Variants in MX2 observed in about 807,000 individuals in gnomAD.
MX2 encodes interferon-induced GTP-binding protein Mx2.
Under a neutral mutation model 74.0 loss-of-function variants are expected in MX2, and 51 were observed. That is an observed-to-expected ratio of 0.69 (90% CI 0.55 to 0.87). The LOEUF (loss-of-function observed/expected upper bound fraction) is 0.87. Among genes scored for constraint, MX2 ranks in the 40% least tolerant of loss-of-function variants. The pLI is 0.00. For synonymous variants in MX2, 369 were observed against 339.3 expected, an observed-to-expected ratio of 1.09 and a Z score of -0.96; for missense variants, 832 against 908.7, an observed-to-expected ratio of 0.92 and a Z score of 1.09.
chr21:41,386,813 C>T (rs1338312180), intron 5 of MX2, among the ~76,000 whole-genome samples: 2 of 152,182 alleles, frequency 1.3e-5, no homozygotes, highest in East Asian at 3.9e-4. Flanking sequence ...TTGCTTGGCT[C>T]AGGAGCCTGA....
In MX2 at chr21:41,389,047, C is replaced by A. The variant is rs536465598; in HGVS notation, c.733-1518C>A. 2.6e-5 allele frequency among the ~76,000 whole-genome samples: 4 copies of A among 152,264 alleles called. No individual in the cohort carries two copies. In the South Asian group the frequency reaches 8.3e-4, roughly 32 times the overall value. On this transcript the variant is annotated intron_variant, in intron 5 of 13. Transcript: ENST00000330714. ...CTGGGCTGTGTGGTCTGTTTGCCTG[C>A]AGACATCAGCAGGACAGCCCCATGG...
intron 6 of MX2, among the ~76,000 whole-genome samples, chr21:41,392,111 G>A (rs2089669385): frequency 6.6e-6 from 1 of 152,148 alleles, no homozygotes; most frequent in African/African-American, 2.4e-5. Flanking sequence ...AGTTTACTAA[G>A]GATAATGGCC....
At chr21:41,394,885 G>A (rs2089712839) in intron 6 of MX2, among the ~76,000 whole-genome samples, 1 of 151,580 alleles carries the variant, frequency 6.6e-6, no homozygotes, top group African/African-American at 2.4e-5. Context: ...AGGTTGAAGT[G>A]AGCCACTGCA....
At position 41,397,673 on chromosome 21, in the gene MX2, A is replaced by G; in HGVS notation, c.1131A>G (p.Glu377=). ...VPRLAERLTT[E]LIMHIQKSLP... ...GACTGGCAGAAAGACTTACCACTGA[A>G]CTCATCATGCATATCCAAGTGAGCC... The change falls in exon 8 of 14, where the codon GAA becomes GAG. Residue 377 remains glutamate (E), a synonymous_variant. Transcript: ENST00000330714. 6.2e-7 allele frequency: 1 copy of G among 1,614,002 alleles called. No homozygotes were observed. The highest frequency in any genetic ancestry group is 8.5e-7 in the Non-Finnish European group (1 of 1,179,928).
At chr21:41,367,223 C>G (rs1400278353) in intron 1 of MX2, 1 of 152,124 alleles carries the variant, frequency 6.6e-6, no homozygotes, top group East Asian at 1.9e-4. Context: ...TTTGTTGTGA[C>G]TGCATATTAA....
In MX2 at chr21:41,408,430, T is replaced by TTCGTGAAGGTCAGGGAAGA; in HGVS notation, c.*197_*198insTCGTGAAGGTCAGGGAAGA. ...CTCTCTCCACCACCCAGCTCTTCCC[T>TTCGTGAAGGTCAGGGAAGA]GACCTTCACGAAGGGATGGCTCTCC... is the stretch of plus-strand genomic sequence containing the variant. On this transcript the variant is annotated 3_prime_UTR_variant, in exon 14 of 14. Coordinates refer to ENST00000330714, the MANE Select transcript of MX2 (RefSeq NM_002463.2). 1.4e-6 allele frequency: 1 copy of TTCGTGAAGGTCAGGGAAGA among 695,948 alleles called. No homozygotes were observed. The highest frequency in any genetic ancestry group is 2.3e-6 in the Non-Finnish European group (1 of 430,838). 43.1% of individuals were successfully genotyped at this position (695,948 alleles called of 1,614,324 possible). A position where few individuals can be genotyped will look rare whatever the true frequency, so the allele number is the denominator to read the frequency against.
In MX2 at chr21:41,382,490, G is replaced by C; in HGVS notation, c.658G>C (p.Asp220His). 6.2e-7 allele frequency: 1 copy of C among 1,614,220 alleles called. No individual in the cohort carries two copies. Among genetic ancestry groups the C allele is most frequent in the Non-Finnish European group, 8.5e-7 (1 of 1,180,054 alleles). Reference protein sequence around the residue: ...SLEITSPEVPDLTIIDLPGIT... With the variant: ...SLEITSPEVPHLTIIDLPGIT... Reference sequence around the variant, plus strand: ...GGAGATCACCTCCCCTGAGGTTCCAGACCTGACCATCATTGACCTTCCCGG... The same window carrying C: ...GGAGATCACCTCCCCTGAGGTTCCACACCTGACCATCATTGACCTTCCCGG... Residue 220 changes from aspartate (D) to histidine (H), a missense_variant, in exon 5 of 14, where the codon GAC (aspartate) becomes CAC (histidine). Physicochemically the swap from Asp to His is moderately conservative, Grantham distance 81. Coordinates refer to ENST00000330714, the MANE Select transcript of MX2 (RefSeq NM_002463.2).
In MX2 at chr21:41,408,896, A is replaced by T. The variant is rs1338939473; in HGVS notation, c.*663A>T. 6.6e-6 allele frequency: 1 copy of T among 152,222 alleles called. No individual in the cohort carries two copies. The highest frequency in any genetic ancestry group is 1.5e-5 in the Non-Finnish European group (1 of 68,074). The allele number at this position is 152,222 out of a possible 1,614,324, so 9.4% of individuals were successfully genotyped here. On this transcript the variant is annotated 3_prime_UTR_variant, in exon 14 of 14. Coordinates refer to ENST00000330714, the MANE Select transcript of MX2 (RefSeq NM_002463.2). ...ATGATGAGCTTCCATTGTTCTGTTAAGTCTTGAAGAGGAATTTAATAAAGC... is the reference window on the plus strand; with the variant it reads ...ATGATGAGCTTCCATTGTTCTGTTATGTCTTGAAGAGGAATTTAATAAAGC...
rs1289180518 is a variant in MX2 at position 41,388,054 on chromosome 21, G to A, written c.733-2511G>A. Among the ~76,000 whole-genome samples, 3 of 152,188 alleles carry A rather than the reference G, an allele frequency of 2.0e-5. No homozygotes were observed. The highest frequency in any genetic ancestry group is 4.4e-5 in the Non-Finnish European group (3 of 68,030). On this transcript the variant is annotated intron_variant, in intron 5 of 13. Coordinates refer to ENST00000330714, the MANE Select transcript of MX2 (RefSeq NM_002463.2). This position sits in a 1 kb window ranked among gnomAD's most constrained non-coding sequence, Gnocchi z 4.0. Reference sequence around the variant, plus strand: ...CACCAGCACCCTCACCTAAGCTGCTGCTATCCTGAACCTGGGTTACCGCCT... The same window carrying A: ...CACCAGCACCCTCACCTAAGCTGCTACTATCCTGAACCTGGGTTACCGCCT...
intron 1 of MX2, among the ~76,000 whole-genome samples, chr21:41,376,361 C>A (rs1014704643): frequency 6.6e-6 from 1 of 152,104 alleles, no homozygotes; most frequent in Non-Finnish European, 1.5e-5. Context: ...TGGCAAAAAA[C>A]CCATCTCTAT....
chr21:41,398,007 C>T (rs560400505), intron 8 of MX2, among the ~76,000 whole-genome samples: 23 of 152,244 alleles, frequency 1.5e-4, no homozygotes, highest in African/African-American at 5.3e-4. Flanking sequence ...GTTAATACTT[C>T]CTGGTATAAA....
At chr21:41,405,776 C>A (rs1215882258) in intron 12 of MX2, among the ~76,000 whole-genome samples, 2 of 149,058 alleles carry the variant, frequency 1.3e-5, no homozygotes, top group Non-Finnish European at 1.5e-5. Context: ...GCCATCTCGG[C>A]TCACTGCAAC....
chr21:41,375,389 TG>T (rs1183877324), intron 1 of MX2, among the ~76,000 whole-genome samples: 1 of 152,260 alleles, frequency 6.6e-6, no homozygotes, highest in Non-Finnish European at 1.5e-5. Context: ...GACCACAGAC[TG>T]GGTGGCTTAG....
intron 1 of MX2, 71 bp from the exon 2 acceptor site, chr21:41,376,765 T>C: frequency 8.2e-7 from 1 of 1,226,028 alleles, no homozygotes. Flanking sequence ...TGAGGAGGGG[T>C]TGGCAAAAGT....
Position 41,402,272 on chromosome 21 carries a change from G to A in MX2, c.1573+144G>A, listed in dbSNP as rs574907322. 2.1e-5 allele frequency: 21 copies of A among 979,540 alleles called. No homozygotes were observed. The African/African-American group carries it at 3.0e-4, about 14-fold the overall frequency. The allele number at this position is 979,540 out of a possible 1,614,324, so 60.7% of individuals were successfully genotyped here. A position where few individuals can be genotyped will look rare whatever the true frequency, so the allele number is the denominator to read the frequency against. ...GTGTGCTAGATTGCTACTCTGTGTG[G>A]TCTGTGAGCCAGCAGCACTGGCAAG... On this transcript the variant is annotated intron_variant, in intron 11 of 13. Coordinates refer to ENST00000330714, the MANE Select transcript of MX2 (RefSeq NM_002463.2). The surrounding 1 kb of genome is among the most constrained non-coding windows in gnomAD (Gnocchi z 4.5).
At chr21:41,386,536 A>T (rs2089580204) in intron 5 of MX2, among the ~76,000 whole-genome samples, 1 of 152,180 alleles carries the variant, frequency 6.6e-6, no homozygotes, top group African/African-American at 2.4e-5. Flanking sequence ...ATCCATCCCG[A>T]AACATCTCCT....
intron 1 of MX2, among the ~76,000 whole-genome samples, chr21:41,367,756 C>T (rs1012414088): frequency 3.3e-5 from 5 of 152,156 alleles, no homozygotes; most frequent in South Asian, 2.1e-4. Flanking sequence ...CCAAATCCTG[C>T]GGCTCAGCAG....
chr21:41,393,110 C>CAAAAAAAAAAAAAAA (rs373955778), intron 6 of MX2, among the ~76,000 whole-genome samples: 9 of 60,066 alleles, frequency 1.5e-4, no homozygotes, highest in Admixed American at 2.5e-4. Flanking sequence ...CTCAAAAAAG[C>CAAAAAAAAAAAAAAA]AAAAAAAAAA....
intron 8 of MX2, among the ~76,000 whole-genome samples, chr21:41,398,264 G>C (rs1041859267): frequency 1.3e-5 from 2 of 152,196 alleles, no homozygotes. Context: ...AGCCAAGATC[G>C]TGCCATTGCA....
Sources: allele counts gnomAD v4.1 joint callset (sites outside exome capture counted in the v4.1 genomes callset), GRCh38; gene constraint gnomAD v4.1.1; non-coding constraint Gnocchi (gnomAD v3.1); transcripts MANE v1.5; gene names NCBI Gene and HGNC (gene_info 2026-07-23, HGNC 2026-07-21).